Variants in RTN1 observed in about 807,000 individuals in gnomAD.
RTN1 encodes the protein reticulon 1.
In RTN1, 25 loss-of-function variants were observed where a neutral mutation model predicts 65.5. The observed-to-expected ratio is 0.38, with a 90% CI of 0.28 to 0.53. The LOEUF is 0.53. RTN1 is among the 20% of genes least tolerant of loss of function. The probability of loss-of-function intolerance (pLI) is 0.79; values close to 1 mark genes in which losing one functional copy is unlikely to be tolerated. For missense variants in RTN1, 983 were observed against 1,025.4 expected (o/e 0.96, Z 0.57); for synonymous variants, 471 against 447.6 (o/e 1.05, Z -0.66).
chr14:59,696,307 A>T (rs1884061542), intron 3 of RTN1, among the ~76,000 whole-genome samples: 1 of 152,186 alleles, frequency 6.6e-6, no homozygotes, highest in Non-Finnish European at 1.5e-5. Flanking sequence ...CTTGGCCCAC[A>T]GCATAATTAC....
chr14:59,746,042 A>C lies in RTN1; in HGVS notation c.681T>G (p.Thr227=). 6.2e-7 allele frequency: 1 copy of C among 1,614,122 alleles called. No homozygotes were observed. Among genetic ancestry groups the C allele is most frequent in the Non-Finnish European group, 8.5e-7 (1 of 1,180,016 alleles). Residue 227 remains threonine (T), a synonymous_variant, in exon 2 of 9, where the codon ACT becomes ACG. Coordinates refer to ENST00000267484, the MANE Select transcript of RTN1 (RefSeq NM_021136.3). The stretch of plus-strand genomic sequence containing the variant: ...CTCCTTCAGGTTTAATTGAGATGTC[A>C]GTGTCTTTATTCTTAAAGTCCAAGT... ...DKDLDFKNKD[T]DISIKPEGVR...
intron 1 of RTN1, among the ~76,000 whole-genome samples, chr14:59,771,745 T>A (rs914599913): frequency 2.0e-5 from 3 of 152,216 alleles, no homozygotes; most frequent in Admixed American, 6.5e-5. Flanking sequence ...CTCACAGAAG[T>A]GCTTCATGTT....
At chr14:59,699,298 T>C (rs1190312181) in intron 3 of RTN1, among the ~76,000 whole-genome samples, 1 of 151,808 alleles carries the variant, frequency 6.6e-6, no homozygotes, top group Admixed American at 6.6e-5. Flanking sequence ...TAAAATAAAA[T>C]AAAAACAAAA....
intron 3 of RTN1, among the ~76,000 whole-genome samples, chr14:59,688,312 C>G (rs1339074636): frequency 6.6e-6 from 1 of 152,194 alleles, no homozygotes; most frequent in Non-Finnish European, 1.5e-5. Flanking sequence ...CTCCCCACCA[C>G]CATGCAGAGA....
intron 3 of RTN1, among the ~76,000 whole-genome samples, chr14:59,650,039 G>C (rs1447878168): frequency 6.6e-6 from 1 of 152,136 alleles, no homozygotes; most frequent in African/African-American, 2.4e-5. Context: ...AGAAAATATG[G>C]CACATATACA....
At position 59,727,586 on chromosome 14, in the gene RTN1, T is replaced by C; in HGVS notation, c.1098A>G (p.Leu366=). ...GTGGGTTCTCGGCGGTTTCATACGA[T>C]AATCCCTTTGCTTCTTTGATGGCGG... ...LITAIKEAKG[L]SYETAENPRP... is the part of the protein sequence containing the mutation. Residue 366 remains leucine (L), a synonymous_variant, in exon 3 of 9, where the codon TTA becomes TTG. Coordinates refer to ENST00000267484, the MANE Select transcript of RTN1 (RefSeq NM_021136.3). The surrounding 1 kb of genome is among the most constrained non-coding windows in gnomAD (Gnocchi z 4.2). 3 of 1,612,814 alleles carry C rather than the reference T, an allele frequency of 1.9e-6. No individual in the cohort carries two copies. The highest frequency in any genetic ancestry group is 1.3e-5 in the African/African-American group (1 of 75,044).
intron 1 of RTN1, among the ~76,000 whole-genome samples, chr14:59,795,150 G>A (rs1886417217): frequency 6.6e-6 from 1 of 152,036 alleles, no homozygotes; most frequent in South Asian, 2.1e-4. Context: ...TTCAAACTCT[G>A]GCTAATTTCA....
At chr14:59,627,077 A>C (rs1053463620) in intron 3 of RTN1, among the ~76,000 whole-genome samples, 8 of 152,316 alleles carry the variant, frequency 5.3e-5, no homozygotes, top group African/African-American at 1.9e-4. Context: ...TTTACTACAC[A>C]ATCTGCTACC....
chr14:59,825,637 C>T lies in RTN1; in HGVS notation c.241+44753G>A, dbSNP rs1887017774. On this transcript the variant is annotated intron_variant, in intron 1 of 8. Coordinates refer to ENST00000267484, the MANE Select transcript of RTN1 (RefSeq NM_021136.3). The surrounding 1 kb of genome is among the most constrained non-coding windows in gnomAD (Gnocchi z 4.2). ...CTGCTGGAAGGCCAGCCTAGTGCCA[C>T]ATCAAACCACGGAGTCCACACAAAG... 6.6e-6 allele frequency among the ~76,000 whole-genome samples: 1 copy of T among 152,222 alleles called. No individual in the cohort carries two copies. The highest frequency in any genetic ancestry group is 2.4e-5 in the African/African-American group (1 of 41,442).
intron 1 of RTN1, among the ~76,000 whole-genome samples, chr14:59,817,850 G>T (rs140770710): frequency 3.3e-5 from 5 of 152,088 alleles, no homozygotes; most frequent in Non-Finnish European, 5.9e-5. Context: ...TTTCCTTACC[G>T]TGAGATCAAA....
intron 3 of RTN1, among the ~76,000 whole-genome samples, chr14:59,671,246 A>G (rs1883497521): frequency 6.6e-6 from 1 of 152,226 alleles, no homozygotes; most frequent in Non-Finnish European, 1.5e-5. Context: ...CATTTAAAAA[A>G]ATTATAGTTT....
rs1170975848 is a variant in RTN1, at chr14:59,849,181, A to G, written c.241+21209T>C. 2.0e-5 allele frequency among the ~76,000 whole-genome samples: 3 copies of G among 152,244 alleles called. No homozygotes were observed. The highest frequency in any genetic ancestry group is 4.4e-5 in the Non-Finnish European group (3 of 68,044). Reference sequence around the variant, plus strand: ...AGTTCAATACCCTGCTATATATTCAATAGGCCATTAGATCATAAAGCTAAT... The same window carrying G: ...AGTTCAATACCCTGCTATATATTCAGTAGGCCATTAGATCATAAAGCTAAT... On this transcript the variant is annotated intron_variant, in intron 1 of 8. Coordinates refer to ENST00000267484, the MANE Select transcript of RTN1 (RefSeq NM_021136.3). This position sits in a 1 kb window ranked among gnomAD's most constrained non-coding sequence, Gnocchi z 4.5.
At chr14:59,682,451 T>G (rs1441601766) in intron 3 of RTN1, among the ~76,000 whole-genome samples, 2 of 152,178 alleles carry the variant, frequency 1.3e-5, no homozygotes, top group African/African-American at 4.8e-5. Flanking sequence ...GCTGTTGAAG[T>G]TTATACCTAT....
intron 1 of RTN1, among the ~76,000 whole-genome samples, chr14:59,792,638 G>A: frequency 6.6e-6 from 1 of 152,022 alleles, no homozygotes; most frequent in South Asian, 2.1e-4. Flanking sequence ...CACTTTTTTG[G>A]TATTTACTGT....
chr14:59,654,792 A>T (rs1370306406), intron 3 of RTN1, among the ~76,000 whole-genome samples: 1 of 152,214 alleles, frequency 6.6e-6, no homozygotes, highest in Non-Finnish European at 1.5e-5. Context: ...ATTAAACACT[A>T]AGAACAGTAG....
intron 1 of RTN1, among the ~76,000 whole-genome samples, chr14:59,782,228 G>A (rs1025405013): frequency 2.6e-5 from 4 of 152,124 alleles, no homozygotes; most frequent in Non-Finnish European, 5.9e-5. Flanking sequence ...CTAGTTTATG[G>A]TATTTTGTTA....
At chr14:59,633,159 T>C (rs1253645646) in intron 3 of RTN1, among the ~76,000 whole-genome samples, 1 of 152,224 alleles carries the variant, frequency 6.6e-6, no homozygotes, top group African/African-American at 2.4e-5. Context: ...TCATTCATAC[T>C]AAGTGTGGAG....
chr14:59,848,845 A>C (rs547646212), intron 1 of RTN1, among the ~76,000 whole-genome samples: 2 of 152,366 alleles, frequency 1.3e-5, no homozygotes, highest in South Asian at 4.1e-4. Flanking sequence ...AGGAAATCAA[A>C]CATTAATTCA....
intron 1 of RTN1, among the ~76,000 whole-genome samples, chr14:59,757,192 G>C (rs1023946070): frequency 7.9e-5 from 12 of 152,054 alleles, no homozygotes; most frequent in Non-Finnish European, 1.6e-4. Flanking sequence ...GGGACCTTTG[G>C]GAGGTGAGGA....
Sources: gnomAD v4.1 joint callset for allele counts (sites outside exome capture counted in the v4.1 genomes callset) on GRCh38, gnomAD v4.1.1 for gene constraint, Gnocchi (gnomAD v3.1) non-coding constraint, MANE v1.5 for transcripts, NCBI Gene and HGNC (gene_info 2026-07-23, HGNC 2026-07-21) for gene names.